The following SMCO2 variants were observed in gnomAD, a reference collection of about 807,000 sequenced individuals.
The protein encoded by SMCO2 is single-pass membrane protein with coiled-coil domains 2.
In SMCO2, 25 loss-of-function variants were observed where a neutral mutation model predicts 29.5. The observed-to-expected ratio is 0.85, with a 90% confidence interval of 0.62 to 1.18. The LOEUF (loss-of-function observed/expected upper bound fraction) is 1.18, where lower values mean the gene tolerates loss of function less well. Ranked by LOEUF, SMCO2 falls within the 50% of genes most tolerant of loss-of-function variation. The probability of loss-of-function intolerance (pLI) is 0.00; values close to 1 mark genes in which losing one functional copy is unlikely to be tolerated. For missense variants in SMCO2, 348 were observed against 344.5 expected, an observed-to-expected ratio of 1.01 and a Z score of -0.08; for synonymous variants, 117 against 123.3, an observed-to-expected ratio of 0.95 and a Z score of 0.34.
chr12:27,501,652 G>C (rs550680221), intron 7 of SMCO2, among the ~76,000 whole-genome samples: 1 of 150,318 alleles, frequency 6.7e-6, no homozygotes, highest in South Asian at 2.1e-4. Context: ...CTGCTAGGAT[G>C]TGAGAAGGAC....
In SMCO2 at chr12:27,489,020, C is replaced by T. The variant is rs1180980350; in HGVS notation, c.450+473C>T. 2.0e-5 allele frequency among the ~76,000 whole-genome samples: 3 copies of T among 152,026 alleles called. No individual in the cohort carries two copies. The East Asian group carries it at 5.8e-4, about 29-fold the overall frequency. On this transcript the variant is annotated intron_variant, in intron 5 of 7. Coordinates refer to ENST00000298876, the Ensembl canonical transcript of SMCO2. Reference sequence around the variant, plus strand: ...TGTCTCCTCACACTTCTTATAGACTCTTCTCAAATTAAGGTTTAATTTTCC... The same window carrying T: ...TGTCTCCTCACACTTCTTATAGACTTTTCTCAAATTAAGGTTTAATTTTCC...
At chr12:27,460,851 C>T in the SMCO2 span, among the ~76,000 whole-genome samples, 1 of 152,302 alleles carries the variant, frequency 6.6e-6, no homozygotes, top group Admixed American at 6.5e-5. Context: ...GAAACCACTG[C>T]TTCCTTTTCC....
chr12:27,438,871 G>C, the SMCO2 span, among the ~76,000 whole-genome samples: 2 of 151,500 alleles, frequency 1.3e-5, 1 homozygote, highest in African/African-American at 4.9e-5. Context: ...ACAGTTCCTG[G>C]GGCCACAGAG....
At chr12:27,455,487 A>C in the SMCO2 span, among the ~76,000 whole-genome samples, 14 of 152,346 alleles carry the variant, frequency 9.2e-5, no homozygotes, top group African/African-American at 3.1e-4. Context: ...AGAAGAACAC[A>C]GTTTATAAGT....
chr12:27,473,890 G>A (rs542530678), intron 3 of SMCO2, among the ~76,000 whole-genome samples: 3 of 152,286 alleles, frequency 2.0e-5, no homozygotes, highest in Admixed American at 6.5e-5. Context: ...AATCATTGTC[G>A]ATTTTTGCAT....
At chr12:27,475,363 A>T (rs941101873) in intron 4 of SMCO2, among the ~76,000 whole-genome samples, 5 of 152,174 alleles carry the variant, frequency 3.3e-5, no homozygotes, top group Admixed American at 3.3e-4. Flanking sequence ...ATTAAACATA[A>T]AATATGCTTT....
At chr12:27,438,460 C>T in the SMCO2 span, among the ~76,000 whole-genome samples, 1 of 152,152 alleles carries the variant, frequency 6.6e-6, no homozygotes, top group Admixed American at 6.5e-5. Context: ...CTCAACCTGT[C>T]CAAAGTGCAA....
At chr12:27,497,732 CAAA>C (rs544348765) in intron 7 of SMCO2, 217 of 89,272 alleles carry the variant, frequency 2.4e-3, no homozygotes, top group Middle Eastern at 5.7e-3. Flanking sequence ...GACCTGGTCT[CAAA>C]AAAAAAAAAA....
At chr12:27,443,365 T>A in the SMCO2 span, among the ~76,000 whole-genome samples, 9 of 152,116 alleles carry the variant, frequency 5.9e-5, no homozygotes, top group African/African-American at 1.9e-4. Context: ...GGAACATACC[T>A]CAAAATAATA....
intron 2 of SMCO2, 83 bp downstream of exon 2, chr12:27,470,848 G>C (rs1949535598): frequency 2.8e-6 from 4 of 1,443,136 alleles, no homozygotes; most frequent in Non-Finnish European, 3.7e-6. Flanking sequence ...CAAACGATGA[G>C]ATTTCCAGGT....
chr12:27,497,457 G>A (rs1324498734), intron 7 of SMCO2: 2 of 209,588 alleles, frequency 9.5e-6, no homozygotes, highest in Non-Finnish European at 2.0e-5. Context: ...AAATCAGATG[G>A]AGGCTGGGTG....
intron 4 of SMCO2, among the ~76,000 whole-genome samples, chr12:27,487,753 CT>C (rs143131425): frequency 0.088 from 11,389 of 129,296 alleles, 620 homozygotes; most frequent in African/African-American, 0.19. Flanking sequence ...TCTTTTCTTT[CT>C]TTTTTTTTTT....
chr12:27,481,508 C>T (rs556464594), intron 4 of SMCO2, among the ~76,000 whole-genome samples: 8 of 152,246 alleles, frequency 5.3e-5, no homozygotes, highest in African/African-American at 1.9e-4. Flanking sequence ...AGATTTTCCC[C>T]GGACCTGTTT....
chr12:27,455,704 C>A, the SMCO2 span, among the ~76,000 whole-genome samples: 1 of 152,020 alleles, frequency 6.6e-6, no homozygotes, highest in Non-Finnish European at 1.5e-5. Flanking sequence ...AGAATAACAG[C>A]CCCCCAAAAT....
the SMCO2 span, among the ~76,000 whole-genome samples, chr12:27,454,711 G>A: frequency 1.3e-5 from 2 of 152,134 alleles, no homozygotes; most frequent in Non-Finnish European, 2.9e-5. Flanking sequence ...TTCTCCTAAT[G>A]CTATCCTTCC....
At chr12:27,474,372 C>A (rs2135548907) in intron 3 of SMCO2, among the ~76,000 whole-genome samples, 1 of 152,268 alleles carries the variant, frequency 6.6e-6, no homozygotes, top group Non-Finnish European at 1.5e-5. Flanking sequence ...ACCAGCATCC[C>A]AAAAAGATCT....
At chr12:27,440,850 C>T in the SMCO2 span, among the ~76,000 whole-genome samples, 1 of 151,920 alleles carries the variant, frequency 6.6e-6, no homozygotes, top group Non-Finnish European at 1.5e-5. Flanking sequence ...ATCACTTAAC[C>T]ACAAAGCGAG....
chr12:27,457,178 C>A, the SMCO2 span, among the ~76,000 whole-genome samples: 1 of 152,086 alleles, frequency 6.6e-6, no homozygotes, highest in African/African-American at 2.4e-5. Flanking sequence ...GGCCTAACAA[C>A]CCTCCCCTGA....
intron 2 of SMCO2, among the ~76,000 whole-genome samples, chr12:27,472,043 G>A (rs1949545095): frequency 6.6e-6 from 1 of 151,792 alleles, no homozygotes; most frequent in Admixed American, 6.6e-5. Context: ...CTACCTATCT[G>A]TTAATAAAAA....
Sources: allele counts gnomAD v4.1 joint callset (sites outside exome capture counted in the v4.1 genomes callset), GRCh38; gene constraint gnomAD v4.1.1; transcripts MANE v1.5; gene names NCBI Gene and HGNC (gene_info 2026-07-23, HGNC 2026-07-21).